The following VTA1 variants were observed in gnomAD, a reference collection of about 807,000 sequenced individuals.
VTA1 encodes the protein vacuolar protein sorting-associated protein VTA1 homolog.
In VTA1, 24 loss-of-function variants were observed where a neutral mutation model predicts 36.9. The ratio of observed to expected loss-of-function variants is 0.65; its 90% CI spans 0.47 to 0.91. The LOEUF is 0.91. Among genes scored for constraint, VTA1 ranks in the 40% least tolerant of loss-of-function variants. VTA1 has a pLI of 0.00. For synonymous variants in VTA1, 142 were observed against 130.2 expected (o/e 1.09, Z -0.62); for missense variants, 393 against 377.2 (o/e 1.04, Z -0.35).
chr6:142,203,305 C>T (rs574801756), intron 6 of VTA1, among the ~76,000 whole-genome samples: 2 of 152,054 alleles, frequency 1.3e-5, no homozygotes, highest in Non-Finnish European at 2.9e-5. Context: ...CTGTTTAACT[C>T]CATTGATTTG....
chr6:142,191,824 ATCT>A (rs546451951), intron 5 of VTA1, among the ~76,000 whole-genome samples: 46 of 152,150 alleles, frequency 3.0e-4, no homozygotes, highest in Admixed American at 7.9e-4. Context: ...TGTGAGAAAA[ATCT>A]TCTTTAAGAC....
chr6:142,217,536 T>C (rs888695750), intron 7 of VTA1, among the ~76,000 whole-genome samples: 3 of 151,580 alleles, frequency 2.0e-5, no homozygotes, highest in African/African-American at 7.3e-5. Context: ...TTTTTAATTT[T>C]ATGCTGCGTG....
chr6:142,185,865 G>A (rs1775330329), intron 4 of VTA1, among the ~76,000 whole-genome samples: 1 of 152,094 alleles, frequency 6.6e-6, no homozygotes, highest in Non-Finnish European at 1.5e-5. Flanking sequence ...TCATACATTG[G>A]AGATATGTAT....
intron 6 of VTA1, 55 bp from the exon 7 acceptor site, chr6:142,203,930 G>A: frequency 1.4e-6 from 2 of 1,435,008 alleles, no homozygotes; most frequent in African/African-American, 1.4e-5. Flanking sequence ...CTGCCCTGCT[G>A]TATAATTAAA....
In VTA1 at chr6:142,223,763, G is replaced by T. The variant is rs185964076; in HGVS notation, c.*5120G>T. 5 of 152,058 alleles carry T rather than the reference G, an allele frequency of 3.3e-5. No individual in the cohort carries two copies. The highest frequency in any genetic ancestry group is 1.2e-4 in the African/African-American group (5 of 41,394). The allele number at this position is 152,058 out of a possible 1,614,324, so 9.4% of individuals were successfully genotyped here. A position where few individuals can be genotyped will look rare whatever the true frequency, so the allele number is the denominator to read the frequency against. ...ATGCCATACTGGATATTATATACGA[G>T]TTACAATAATTCTTCCTAAAGTCAG... On this transcript the variant is annotated 3_prime_UTR_variant, in exon 8 of 8. Coordinates refer to ENST00000367630, the MANE Select transcript of VTA1 (RefSeq NM_016485.5).
intron 4 of VTA1, among the ~76,000 whole-genome samples, chr6:142,188,453 T>G (rs1488449509): frequency 1.3e-5 from 2 of 152,018 alleles, no homozygotes; most frequent in East Asian, 3.9e-4. Context: ...GACCTCATGA[T>G]CTGCCTGCCT....
intron 5 of VTA1, among the ~76,000 whole-genome samples, chr6:142,192,011 GTTAAC>G (rs1775464779): frequency 6.6e-6 from 1 of 151,946 alleles, no homozygotes; most frequent in South Asian, 2.1e-4. Context: ...ATTGTACTTA[GTTAAC>G]TTAGATAAAG....
At position 142,205,838 on chromosome 6, in the gene VTA1, T is replaced by A. The variant is rs181699866; in HGVS notation, c.778+1773T>A. ...TGAACTAAAACATCTAATTTTGATATTATACAAGAAATCTCAGTTTGGAAG... is the reference window on the plus strand; with the variant it reads ...TGAACTAAAACATCTAATTTTGATAATATACAAGAAATCTCAGTTTGGAAG... On this transcript the variant is annotated intron_variant, in intron 7 of 7. Coordinates refer to ENST00000367630, the MANE Select transcript of VTA1 (RefSeq NM_016485.5). Among the ~76,000 whole-genome samples the A allele has an allele frequency of 1.7e-3, 255 of 152,230 alleles. 2 individuals carry two copies. Among genetic ancestry groups the A allele is most frequent in the South Asian group, 3.7e-3 (18 of 4,824 alleles).
At chr6:142,150,272 T>C (rs1778543028) in intron 1 of VTA1, among the ~76,000 whole-genome samples, 1 of 152,186 alleles carries the variant, frequency 6.6e-6, no homozygotes, top group Non-Finnish European at 1.5e-5. Flanking sequence ...CTTCTTTCCT[T>C]ACAATTGTGG....
chr6:142,170,537 C>CA (rs1269965197), intron 4 of VTA1, 116 bp downstream of exon 4: 2 of 656,220 alleles, frequency 3.0e-6, no homozygotes, highest in African/African-American at 1.9e-5. Context: ...TTAATGCAAG[C>CA]AAAAAATGTA....
chr6:142,173,993 C>G (rs934077686), intron 4 of VTA1, among the ~76,000 whole-genome samples: 1 of 152,140 alleles, frequency 6.6e-6, no homozygotes, highest in Non-Finnish European at 1.5e-5. Flanking sequence ...TGCACTGGTG[C>G]TAGAATAAAG....
intron 4 of VTA1, among the ~76,000 whole-genome samples, chr6:142,174,335 C>G (rs775777456): frequency 3.3e-5 from 5 of 152,182 alleles, no homozygotes; most frequent in Non-Finnish European, 7.4e-5. Flanking sequence ...AGTTTAATGT[C>G]TACTATGTTG....
Position 142,224,604 on chromosome 6 carries a change from G to A in VTA1, c.*5961G>A, listed in dbSNP as rs1341645157. On this transcript the variant is annotated 3_prime_UTR_variant, in exon 8 of 8. Transcript: ENST00000367630. ...TCACATGAAGCTTGATGCATTGTAA[G>A]TATTCTGACCTGGTGAAATAAATAT... The A allele has an allele frequency of 6.6e-6, 1 of 152,054 alleles. No individual in the cohort carries two copies. The highest frequency in any genetic ancestry group is 1.5e-5 in the Non-Finnish European group (1 of 68,020). 9.4% of individuals were successfully genotyped at this position (152,054 alleles called of 1,614,324 possible). A position where few individuals can be genotyped will look rare whatever the true frequency, so the allele number is the denominator to read the frequency against.
At chr6:142,193,502 T>C (rs1775491896) in intron 5 of VTA1, among the ~76,000 whole-genome samples, 1 of 152,154 alleles carries the variant, frequency 6.6e-6, no homozygotes. Context: ...TTTTAATTAG[T>C]TGGCACTCTA....
At chr6:142,152,124 C>G (rs1778580676) in intron 1 of VTA1, among the ~76,000 whole-genome samples, 1 of 148,474 alleles carries the variant, frequency 6.7e-6, no homozygotes, top group Non-Finnish European at 1.5e-5. Flanking sequence ...TTTTTTTTCA[C>G]TGAGGGATGT....
chr6:142,200,517 G>A (rs12192519), intron 6 of VTA1, among the ~76,000 whole-genome samples: 5,888 of 151,924 alleles, frequency 0.039, 169 homozygotes, highest in Non-Finnish European at 0.06. Flanking sequence ...TTATATATAG[G>A]TACACTCTAT....
chr6:142,165,753 G>T (rs1293479274), intron 1 of VTA1, among the ~76,000 whole-genome samples: 1 of 152,046 alleles, frequency 6.6e-6, no homozygotes, highest in Non-Finnish European at 1.5e-5. Context: ...TAAAGAGAAG[G>T]TATATTTATT....
Position 142,223,191 on chromosome 6 carries a change from A to G in VTA1, c.*4548A>G, listed in dbSNP as rs1250250825. On this transcript the variant is annotated 3_prime_UTR_variant, in exon 8 of 8. Transcript: ENST00000367630. ...GCTAGGCAGTGAACACAGGGTATGA[A>G]CTTGAAAATCTGATTGCACCCTCAA... The G allele has an allele frequency of 6.6e-6, 1 of 152,196 alleles. No homozygotes were observed. The highest frequency in any genetic ancestry group is 2.4e-5 in the African/African-American group (1 of 41,452). The allele number at this position is 152,196 out of a possible 1,614,324, so 9.4% of individuals were successfully genotyped here. A position where few individuals can be genotyped will look rare whatever the true frequency, so the allele number is the denominator to read the frequency against.
chr6:142,166,436 C>A, intron 2 of VTA1, 114 bp downstream of exon 2: 2 of 678,140 alleles, frequency 2.9e-6, no homozygotes, highest in Non-Finnish European at 2.5e-6. Flanking sequence ...CAAACAAAGC[C>A]ATTATACCTG....
Sources: allele counts gnomAD v4.1 joint callset (sites outside exome capture counted in the v4.1 genomes callset), GRCh38; gene constraint gnomAD v4.1.1; transcripts MANE v1.5; gene names NCBI Gene and HGNC (gene_info 2026-07-23, HGNC 2026-07-21).